The following HEATR4 variants were observed in gnomAD, a reference collection of about 807,000 sequenced individuals.
The protein encoded by HEATR4 is HEAT repeat-containing protein 4.
HEATR4 carries 95 observed loss-of-function variants against 108.8 expected under a neutral mutation model. The observed-to-expected ratio is 0.87, with a 90% CI of 0.74 to 1.04. The LOEUF is 1.04. Among genes scored for constraint, HEATR4 ranks in the 50% least tolerant of loss-of-function variants. The pLI is 0.00. For synonymous variants in HEATR4, 443 were observed against 459.4 expected, an observed-to-expected ratio of 0.96 and a Z score of 0.46; for missense variants, 1,152 against 1,253.8, an observed-to-expected ratio of 0.92 and a Z score of 1.23.
At chr14:73,500,809 G>T in intron 11 of HEATR4, 79 bp from the exon 12 acceptor site, 3 of 1,368,168 alleles carry the variant, frequency 2.2e-6, no homozygotes, top group Non-Finnish European at 3.0e-6. Context: ...ATGCCCTCAT[G>T]ATAAAATCCG....
the HEATR4 span, among the ~76,000 whole-genome samples, chr14:73,584,999 C>A: frequency 6.6e-6 from 1 of 151,822 alleles, no homozygotes; most frequent in Non-Finnish European, 1.5e-5. Flanking sequence ...AACCCCCTCA[C>A]CCAGACCCCC....
chr14:73,488,241 CTCT>C (rs749657632), intron 17 of HEATR4, among the ~76,000 whole-genome samples: 26 of 152,142 alleles, frequency 1.7e-4, no homozygotes, highest in Non-Finnish European at 3.5e-4. Flanking sequence ...CCCCTTGCTG[CTCT>C]CATGATGGTG....
At chr14:73,586,601 G>A in the HEATR4 span, among the ~76,000 whole-genome samples, 5 of 151,552 alleles carry the variant, frequency 3.3e-5, no homozygotes, top group African/African-American at 1.2e-4. Flanking sequence ...AGCTACTTGG[G>A]AGGCTGAGAC....
intron 17 of HEATR4, among the ~76,000 whole-genome samples, chr14:73,481,974 A>G (rs1261915037): frequency 1.3e-5 from 2 of 152,182 alleles, no homozygotes; most frequent in Non-Finnish European, 2.9e-5. Flanking sequence ...ACTCCAGCTT[A>G]GGCAACAGGA....
chr14:73,563,264 AT>A (rs1889555884), upstream of HEATR4, among the ~76,000 whole-genome samples: 1 of 152,082 alleles, frequency 6.6e-6, no homozygotes, highest in African/African-American at 2.4e-5. Flanking sequence ...AGTTCCCCCA[AT>A]AGTTTAATGG....
At chr14:73,584,177 T>C in the HEATR4 span, among the ~76,000 whole-genome samples, 1 of 151,584 alleles carries the variant, frequency 6.6e-6, no homozygotes, top group African/African-American at 2.4e-5. Context: ...AGAAGAATCA[T>C]GAGAAAGAGG....
the HEATR4 span, among the ~76,000 whole-genome samples, chr14:73,587,805 A>T: frequency 1.3e-5 from 2 of 152,216 alleles, no homozygotes; most frequent in African/African-American, 4.8e-5. Flanking sequence ...GATTGAAGAT[A>T]AACTGGGAGA....
the HEATR4 span, among the ~76,000 whole-genome samples, chr14:73,587,529 C>T: frequency 2.6e-5 from 4 of 151,998 alleles, no homozygotes; most frequent in Admixed American, 2.0e-4. Context: ...CTAATTTTTG[C>T]ATTTTTAGTA....
At chr14:73,561,407 G>T (rs1889530080), upstream of HEATR4, among the ~76,000 whole-genome samples, 1 of 151,878 alleles carries the variant, frequency 6.6e-6, no homozygotes, top group South Asian at 2.1e-4. Context: ...AATGAAATGG[G>T]CCAGGTGCAG....
At chr14:73,525,688 C>T (rs1169072265) in intron 2 of HEATR4, among the ~76,000 whole-genome samples, 1 of 152,146 alleles carries the variant, frequency 6.6e-6, no homozygotes, top group African/African-American at 2.4e-5. Flanking sequence ...TGCGGTGGCT[C>T]ACGTCAGTAA....
chr14:73,617,005 C>T, the HEATR4 span: 1 of 734,912 alleles, frequency 1.4e-6, no homozygotes, highest in African/African-American at 1.8e-5. Flanking sequence ...GGGCCCTTTC[C>T]TGGGATCATT....
At chr14:73,490,573 G>A (rs1185216205) in intron 17 of HEATR4, among the ~76,000 whole-genome samples, 1 of 151,996 alleles carries the variant, frequency 6.6e-6, no homozygotes, top group Non-Finnish European at 1.5e-5. Context: ...CGCCCGCCTC[G>A]GCCTCCCAAA....
the HEATR4 span, chr14:73,593,752 C>A: frequency 6.2e-7 from 1 of 1,613,774 alleles, no homozygotes; most frequent in Non-Finnish European, 8.5e-7. Flanking sequence ...TGGAGGGGGC[C>A]TCTTGGAATA....
At chr14:73,562,622 T>C (rs1457871647), upstream of HEATR4, among the ~76,000 whole-genome samples, 1 of 151,980 alleles carries the variant, frequency 6.6e-6, no homozygotes, top group Admixed American at 6.6e-5. Context: ...TAGTAAGGAA[T>C]ATTAATATTA....
Position 73,520,991 on chromosome 14 carries a change from G to A in HEATR4, c.930C>T (p.Gly310=). ...QQAETVEIMP[G]NKSTEDIHEK... Reference sequence around the variant, plus strand: ...CATGGATATCCTCAGTGCTCTTGTTGCCAGGCATGATCTCAACTGTCTCTG... The same window carrying A: ...CATGGATATCCTCAGTGCTCTTGTTACCAGGCATGATCTCAACTGTCTCTG... The change falls in exon 4 of 18, where the codon GGC becomes GGT. Residue 310 remains glycine, a synonymous_variant. Coordinates refer to ENST00000553558, the MANE Select transcript of HEATR4 (RefSeq NM_001220484.1). 1 of 1,613,760 alleles carries A rather than the reference G, an allele frequency of 6.2e-7. No individual in the cohort carries two copies.
chr14:73,558,595 G>A (rs571240326), intron 1 of HEATR4, among the ~76,000 whole-genome samples, 156 bp downstream of exon 1: 38 of 143,852 alleles, frequency 2.6e-4, no homozygotes, highest in Admixed American at 5.9e-4. Context: ...GACTCAAACA[G>A]TCCTCCCACC....
the HEATR4 span, chr14:73,616,846 T>A: frequency 1.7e-6 from 1 of 573,962 alleles, no homozygotes; most frequent in South Asian, 2.4e-5. Context: ...TATCCCTCTA[T>A]ATTATCATTA....
At chr14:73,481,729 C>T in intron 17 of HEATR4, among the ~76,000 whole-genome samples, 1 of 152,004 alleles carries the variant, frequency 6.6e-6, no homozygotes, top group East Asian at 1.9e-4. Context: ...CCTGTAGTCC[C>T]AGCTACTCGG....
the HEATR4 span, chr14:73,567,969 A>G: frequency 6.6e-6 from 1 of 152,168 alleles, no homozygotes; most frequent in Non-Finnish European, 1.5e-5. Context: ...TCAGAACTGT[A>G]TTAAGAACTG....
Sources: gnomAD v4.1 joint callset for allele counts (sites outside exome capture counted in the v4.1 genomes callset) on GRCh38, gnomAD v4.1.1 for gene constraint, MANE v1.5 for transcripts, NCBI Gene and HGNC (gene_info 2026-07-23, HGNC 2026-07-21) for gene names.